Variants in MECOM observed in about 807,000 individuals in gnomAD.
MECOM encodes the protein histone-lysine N-methyltransferase MECOM.
Under a neutral mutation model 116.3 loss-of-function variants are expected in MECOM, and 13 were observed. That is an observed-to-expected ratio of 0.11 (90% confidence interval 0.07 to 0.18). MECOM has a LOEUF of 0.18. Among genes scored for constraint, MECOM ranks in the 10% least tolerant of loss-of-function variants. The pLI is 1.00. For synonymous variants in MECOM, 528 were observed against 535.2 expected (o/e 0.99, Z 0.19); for missense variants, 1,299 against 1,509.0 (o/e 0.86, Z 2.31).
At chr3:169,111,203 A>G (rs1471639270) in intron 9 of MECOM, among the ~76,000 whole-genome samples, 2 of 152,168 alleles carry the variant, frequency 1.3e-5, no homozygotes, top group African/African-American at 2.4e-5. Context: ...AGATGTTCAA[A>G]GACACTGAAT....
chr3:169,451,626 T>C (rs929031117), intron 1 of MECOM, among the ~76,000 whole-genome samples: 1 of 152,196 alleles, frequency 6.6e-6, no homozygotes, highest in Non-Finnish European at 1.5e-5. Context: ...GAAAATATTC[T>C]AGGTCTCAAT....
At chr3:169,198,400 C>T (rs1426693715) in intron 2 of MECOM, among the ~76,000 whole-genome samples, 1 of 151,970 alleles carries the variant, frequency 6.6e-6, no homozygotes, top group Non-Finnish European at 1.5e-5. Flanking sequence ...TGTTAAAGTA[C>T]ATTTCTATTT....
At chr3:169,108,387 AAAAGGATAATG>A (rs752927703) in intron 9 of MECOM, among the ~76,000 whole-genome samples, 2 of 152,242 alleles carry the variant, frequency 1.3e-5, no homozygotes, top group Non-Finnish European at 2.9e-5. Context: ...ACTAAATAAC[AAAAGGATAATG>A]AAAGGATAAT....
intron 4 of MECOM, among the ~76,000 whole-genome samples, chr3:169,129,889 C>G (rs1016402243): frequency 6.6e-6 from 1 of 152,024 alleles, no homozygotes; most frequent in African/African-American, 2.4e-5. Context: ...AGGTTCTATG[C>G]ATAAAAGAGT....
At chr3:169,468,729 G>A (rs578026984) in intron 1 of MECOM, among the ~76,000 whole-genome samples, 4 of 152,300 alleles carry the variant, frequency 2.6e-5, no homozygotes, top group African/African-American at 9.6e-5. Context: ...CATAATGGTA[G>A]CAATTGTTGT....
intron 1 of MECOM, among the ~76,000 whole-genome samples, chr3:169,614,069 T>C (rs1254576395): frequency 2.0e-5 from 3 of 151,468 alleles, no homozygotes; most frequent in Non-Finnish European, 2.9e-5. Context: ...TCATTCACTT[T>C]CCCTCCCTTC....
rs1028330257 is a variant in MECOM, at chr3:169,418,714, A to G, written c.38-37190T>C. 1.1e-4 allele frequency among the ~76,000 whole-genome samples: 16 copies of G among 152,044 alleles called. 1 individual carries two copies. Among genetic ancestry groups the G allele is most frequent in the Non-Finnish European group, 2.9e-5 (2 of 67,964 alleles). ...TTCAACACCCCTTCACGATAAAAACACTCAATAAACTAGGTATTGATGGAA... is the reference window on the plus strand; with the variant it reads ...TTCAACACCCCTTCACGATAAAAACGCTCAATAAACTAGGTATTGATGGAA... On this transcript the variant is annotated intron_variant, in intron 1 of 16. Transcript: ENST00000651503.
At chr3:169,439,554 G>A (rs769352914) in intron 1 of MECOM, among the ~76,000 whole-genome samples, 4 of 152,056 alleles carry the variant, frequency 2.6e-5, no homozygotes, top group African/African-American at 9.7e-5. Flanking sequence ...TAATGAGATA[G>A]TATTTTACAT....
intron 1 of MECOM, among the ~76,000 whole-genome samples, chr3:169,646,639 G>A (rs1224004417): frequency 6.6e-6 from 1 of 151,266 alleles, no homozygotes; most frequent in Non-Finnish European, 1.5e-5. Context: ...TTGGTCTCAA[G>A]TATTGTACAA....
rs114018098 is a variant in MECOM, at chr3:169,358,118, T to C, written c.375+23069A>G. Among the ~76,000 whole-genome samples, 405 of 151,916 alleles carry C rather than the reference T, an allele frequency of 2.7e-3. 1 individual carries two copies. The highest frequency in any genetic ancestry group is 9.2e-3 in the African/African-American group (381 of 41,524). On this transcript the variant is annotated intron_variant, in intron 2 of 16. Transcript: ENST00000651503. ...GCACTGGCACTGGCAAATCCACTACTGCAAACAGAAGACTTTGTGACTATT... is the reference window on the plus strand; with the variant it reads ...GCACTGGCACTGGCAAATCCACTACCGCAAACAGAAGACTTTGTGACTATT...
In MECOM at chr3:169,115,704, T is replaced by A; in HGVS notation, c.2168A>T (p.Glu723Val). 1 of 1,614,142 alleles carries A rather than the reference T, an allele frequency of 6.2e-7. No homozygotes were observed. The highest frequency in any genetic ancestry group is 8.5e-7 in the Non-Finnish European group (1 of 1,180,010). ...RDLRSLPLKM[E>V]PQSPGEVKKL... is the part of the protein sequence containing the mutation. ...CTTTACTTCACCTGGTGATTGGGGT[T>A]CCATTTTCAAAGGTAACGATCTCAA... The change falls in exon 8 of 17, where the codon GAA becomes GTA. Residue 723 changes from glutamate (E) to valine (V), a missense_variant. Glu to Val is a moderately radical substitution (Grantham distance 121). Coordinates refer to ENST00000651503, the MANE Select transcript of MECOM (RefSeq NM_004991.4).
Position 169,146,196 on chromosome 3 carries a change from C to A in MECOM, c.376-2364G>T, listed in dbSNP as rs571611237. 35 of 1,086,862 alleles carry A rather than the reference C, an allele frequency of 3.2e-5. No individual in the cohort carries two copies. The South Asian group carries it at 1.0e-3, about 32-fold the overall frequency. The allele number at this position is 1,086,862 out of a possible 1,614,324, so 67.3% of individuals were successfully genotyped here. A position where few individuals can be genotyped will look rare whatever the true frequency, so the allele number is the denominator to read the frequency against. On this transcript the variant is annotated intron_variant, in intron 2 of 16. Transcript: ENST00000651503. Reference sequence around the variant, plus strand: ...GAGAAAGGCCCTTTCAAAAAACCAACAGCAAAAGGAAAAAAAAAAAAATCC... The same window carrying A: ...GAGAAAGGCCCTTTCAAAAAACCAAAAGCAAAAGGAAAAAAAAAAAAATCC...
intron 2 of MECOM, among the ~76,000 whole-genome samples, chr3:169,278,623 C>T (rs1305701499): frequency 6.6e-6 from 1 of 152,216 alleles, no homozygotes. Flanking sequence ...CTACAAGATT[C>T]TTCATCTTAA....
At chr3:169,382,879 A>AAAAAGAAG (rs1358767356) in intron 1 of MECOM, among the ~76,000 whole-genome samples, 6 of 138,514 alleles carry the variant, frequency 4.3e-5, no homozygotes, top group South Asian at 2.4e-4. Flanking sequence ...AAAAATAAAA[A>AAAAAGAAG]AAGAAGGTAA....
At position 169,102,185 on chromosome 3, in the gene MECOM, G is replaced by A. The variant is rs1176585250; in HGVS notation, c.2646C>T (p.Phe882=). The change falls in exon 11 of 17, where the codon TTC becomes TTT. Residue 882 remains phenylalanine (F), a synonymous_variant. Transcript: ENST00000651503. ...IENMAEKLES[F]SALKPEASEL... is the part of the protein sequence containing the mutation. ...CACTGGCCTCAGGTTTCAGGGCACT[G>A]AAGCTCTCTAGCTTTTCTGCCATGT... is the stretch of plus-strand genomic sequence containing the variant. 14 of 1,613,850 alleles carry A rather than the reference G, an allele frequency of 8.7e-6. No homozygotes were observed. Among genetic ancestry groups the A allele is most frequent in the Non-Finnish European group, 1.0e-5 (12 of 1,179,834 alleles).
intron 12 of MECOM, among the ~76,000 whole-genome samples, chr3:169,100,488 C>T (rs377081465): frequency 6.6e-6 from 1 of 152,050 alleles, no homozygotes; most frequent in African/African-American, 2.4e-5. Flanking sequence ...GTTATTAACT[C>T]CTAGCAGAGA....
At chr3:169,636,505 G>A (rs777201883) in intron 1 of MECOM, among the ~76,000 whole-genome samples, 34 of 152,130 alleles carry the variant, frequency 2.2e-4, no homozygotes, top group African/African-American at 4.1e-4. Context: ...AATCTCAACC[G>A]CCTGGGATAT....
chr3:169,304,484 G>C (rs1249133975), intron 2 of MECOM, among the ~76,000 whole-genome samples: 2 of 152,118 alleles, frequency 1.3e-5, no homozygotes, highest in Admixed American at 6.6e-5. Flanking sequence ...AATGTGAATG[G>C]TGATGAAACA....
chr3:169,498,935 G>A (rs79467829), intron 1 of MECOM, among the ~76,000 whole-genome samples: 4,432 of 152,098 alleles, frequency 0.029, 81 homozygotes, highest in African/African-American at 0.049. Context: ...AGATGGAAAA[G>A]CGTGAAGTAA....
Sources: allele counts gnomAD v4.1 joint callset (sites outside exome capture counted in the v4.1 genomes callset), GRCh38; gene constraint gnomAD v4.1.1; transcripts MANE v1.5; gene names NCBI Gene and HGNC (gene_info 2026-07-23, HGNC 2026-07-21).